The following RALGAPA2 variants were observed in gnomAD, a reference collection of about 807,000 sequenced individuals.
RALGAPA2 encodes the protein Ral GTPase activating protein catalytic subunit alpha 2.
In RALGAPA2, 139 loss-of-function variants were observed where a neutral mutation model predicts 230.4. The ratio of observed to expected loss-of-function variants is 0.60; its 90% confidence interval spans 0.53 to 0.69. The LOEUF (loss-of-function observed/expected upper bound fraction) is 0.69, where lower values mean the gene tolerates loss of function less well. Among genes scored for constraint, RALGAPA2 ranks in the 30% least tolerant of loss-of-function variants. The pLI is 0.00. For missense variants in RALGAPA2, 2,163 were observed against 2,276.0 expected (o/e 0.95, Z 1.01); for synonymous variants, 847 against 837.8 (o/e 1.01, Z -0.19).
At chr20:20,554,057 T>C (rs981603799) in intron 23 of RALGAPA2, among the ~76,000 whole-genome samples, 3 of 152,202 alleles carry the variant, frequency 2.0e-5, no homozygotes, top group Non-Finnish European at 4.4e-5. Context: ...TAGTTTTTAG[T>C]GTATTCACAG....
chr20:20,712,566 T>C lies in RALGAPA2; in HGVS notation c.-86A>G. 1 of 1,313,978 alleles carries C rather than the reference T, an allele frequency of 7.6e-7. No homozygotes were observed. Among genetic ancestry groups the C allele is most frequent in the African/African-American group, 1.6e-5 (1 of 63,944 alleles). 81.4% of individuals were successfully genotyped at this position (1,313,978 alleles called of 1,614,324 possible). On this transcript the variant is annotated 5_prime_UTR_variant, in exon 1 of 40. Coordinates refer to ENST00000202677, the MANE Select transcript of RALGAPA2 (RefSeq NM_020343.4). The surrounding 1 kb of genome is among the most constrained non-coding windows in gnomAD (Gnocchi z 5.5). ...AAAGCATAGGGTCGAGGCCGGCGCGTGTCGCGCGGGCCACTCGCCGCCCCC... is the reference window on the plus strand; with the variant it reads ...AAAGCATAGGGTCGAGGCCGGCGCGCGTCGCGCGGGCCACTCGCCGCCCCC...
At chr20:20,410,909 C>T (rs1198240602) in intron 38 of RALGAPA2, among the ~76,000 whole-genome samples, 3 of 152,328 alleles carry the variant, frequency 2.0e-5, no homozygotes, top group Admixed American at 6.5e-5. Flanking sequence ...CTGCCTGCTG[C>T]TCCTGGCTCC....
chr20:20,644,568 A>G (rs2067146796), intron 4 of RALGAPA2, among the ~76,000 whole-genome samples: 1 of 152,216 alleles, frequency 6.6e-6, no homozygotes, highest in Non-Finnish European at 1.5e-5. Flanking sequence ...TACTGTTCAT[A>G]ACAACTAACA....
intron 27 of RALGAPA2, among the ~76,000 whole-genome samples, chr20:20,528,871 T>A (rs1299698093): frequency 6.6e-6 from 1 of 152,190 alleles, no homozygotes; most frequent in Non-Finnish European, 1.5e-5. Flanking sequence ...GAGGCTGGGC[T>A]GGGGGTGGGG....
chr20:20,512,162 C>T (rs755563944), intron 32 of RALGAPA2, among the ~76,000 whole-genome samples: 2 of 151,336 alleles, frequency 1.3e-5, no homozygotes, highest in Admixed American at 6.6e-5. Context: ...CACTCCAGCC[C>T]GGGCAACAGA....
rs1413182392 is a variant in RALGAPA2 at position 20,589,331 on chromosome 20, A to G, written c.2376T>C (p.Ser792=). 6.3e-7 allele frequency: 1 copy of G among 1,592,512 alleles called. No homozygotes were observed. Among genetic ancestry groups the G allele is most frequent in the South Asian group, 1.1e-5 (1 of 87,722 alleles). ...TCTCTTGAATAGGCTGAGGCTCTGA[A>G]GAACTCGAATTCTGTGTGTTTTCTG... ...QKAENTQNSS[S]SEPQPIQENK... is the part of the protein sequence containing the mutation. Residue 792 remains serine, a synonymous_variant, in exon 18 of 40, where the codon TCT becomes TCC. Coordinates refer to ENST00000202677, the MANE Select transcript of RALGAPA2 (RefSeq NM_020343.4).
At chr20:20,618,152 C>G (rs1021658564) in intron 12 of RALGAPA2, among the ~76,000 whole-genome samples, 8 of 152,110 alleles carry the variant, frequency 5.3e-5, no homozygotes, top group African/African-American at 1.7e-4. Context: ...TAGTGAGGAC[C>G]TACTGTAAAT....
chr20:20,507,506 C>G (rs148649799), intron 33 of RALGAPA2, among the ~76,000 whole-genome samples: 42 of 152,288 alleles, frequency 2.8e-4, no homozygotes, highest in Admixed American at 1.6e-3. Flanking sequence ...CCACACACCA[C>G]CACACCTGGC....
intron 1 of RALGAPA2, 33 bp from the exon 2 acceptor site, chr20:20,680,834 C>T: frequency 6.5e-7 from 1 of 1,526,760 alleles, no homozygotes; most frequent in Admixed American, 2.6e-5. Context: ...TATGACAATT[C>T]ACTTTATAAA....
At chr20:20,402,649 A>C (rs962160037) in intron 38 of RALGAPA2, among the ~76,000 whole-genome samples, 1 of 152,248 alleles carries the variant, frequency 6.6e-6, no homozygotes, top group Non-Finnish European at 1.5e-5. Context: ...TTGTATAAGC[A>C]TAACATCTGT....
chr20:20,622,697 C>T (rs1214784671), intron 10 of RALGAPA2, among the ~76,000 whole-genome samples: 1 of 151,962 alleles, frequency 6.6e-6, no homozygotes, highest in South Asian at 2.1e-4. Flanking sequence ...TAAAACTTAT[C>T]CTTTAGATAG....
chr20:20,654,599 T>C (rs1322304561), intron 3 of RALGAPA2, among the ~76,000 whole-genome samples: 1 of 152,230 alleles, frequency 6.6e-6, no homozygotes, highest in Non-Finnish European at 1.5e-5. Flanking sequence ...CTGAATAGTA[T>C]TTCACTGTGT....
intron 38 of RALGAPA2, among the ~76,000 whole-genome samples, chr20:20,402,968 C>A (rs924510451): frequency 2.0e-5 from 3 of 152,180 alleles, no homozygotes; most frequent in East Asian, 1.9e-4. Context: ...CTTGATTGTG[C>A]CAGGAAAGTC....
In RALGAPA2 at chr20:20,694,511, C is replaced by T. The variant is rs905950030; in HGVS notation, c.107-13710G>A. ...CTGCTGTGTCCCTAACACAAGAAAA[C>T]GAAGGCCCTTCTGGTCACTGGGCAG... is the stretch of plus-strand genomic sequence containing the variant. On this transcript the variant is annotated intron_variant, in intron 1 of 39. Coordinates refer to ENST00000202677, the MANE Select transcript of RALGAPA2 (RefSeq NM_020343.4). Among the ~76,000 whole-genome samples the T allele has an allele frequency of 5.3e-5, 8 of 152,278 alleles. No homozygotes were observed. The South Asian group carries it at 1.0e-3, about 20-fold the overall frequency.
chr20:20,572,322 G>C (rs140027327), intron 21 of RALGAPA2, among the ~76,000 whole-genome samples: 3 of 151,742 alleles, frequency 2.0e-5, no homozygotes, highest in Non-Finnish European at 4.4e-5. Flanking sequence ...AATAAAAATT[G>C]TATGTACTAC....
chr20:20,612,472 A>C (rs937196900), intron 13 of RALGAPA2, among the ~76,000 whole-genome samples: 1 of 152,218 alleles, frequency 6.6e-6, no homozygotes, highest in Admixed American at 6.5e-5. Flanking sequence ...ATCTCTGCTT[A>C]TCAAAACAGC....
intron 37 of RALGAPA2, among the ~76,000 whole-genome samples, chr20:20,449,638 C>T (rs945155482): frequency 1.3e-5 from 2 of 152,012 alleles, no homozygotes; most frequent in Admixed American, 6.6e-5. Flanking sequence ...TATTGTTAAG[C>T]CCTTAACTTT....
chr20:20,702,308 G>A (rs1352514821), intron 1 of RALGAPA2, among the ~76,000 whole-genome samples: 2 of 152,132 alleles, frequency 1.3e-5, no homozygotes, highest in African/African-American at 2.4e-5. Context: ...GGCCAAGACA[G>A]GATTAGACAT....
intron 37 of RALGAPA2, among the ~76,000 whole-genome samples, chr20:20,463,129 CTTTT>C: frequency 7.2e-6 from 1 of 138,206 alleles, no homozygotes; most frequent in Admixed American, 7.2e-5. Flanking sequence ...AAAACCCTGA[CTTTT>C]TTTTTTTTTG....
Sources: gnomAD v4.1 joint callset for allele counts (sites outside exome capture counted in the v4.1 genomes callset) on GRCh38, gnomAD v4.1.1 for gene constraint, Gnocchi (gnomAD v3.1) non-coding constraint, MANE v1.5 for transcripts, NCBI Gene and HGNC (gene_info 2026-07-23, HGNC 2026-07-21) for gene names.